Variants in SESN1 observed in about 807,000 individuals in gnomAD.
The protein encoded by SESN1 is sestrin 1.
In SESN1, 30 loss-of-function variants were observed where a neutral mutation model predicts 59.3. The observed-to-expected ratio is 0.51, with a 90% CI of 0.38 to 0.69. SESN1 has a LOEUF of 0.69. Ranked by LOEUF, SESN1 falls within the 30% of genes least tolerant of loss-of-function variation. The pLI is 0.00. For synonymous variants in SESN1, 197 were observed against 219.9 expected, an observed-to-expected ratio of 0.90 and a Z score of 0.92; for missense variants, 566 against 673.0, an observed-to-expected ratio of 0.84 and a Z score of 1.76.
chr6:109,018,867 A>C (rs970487344), intron 1 of SESN1, among the ~76,000 whole-genome samples: 1 of 152,180 alleles, frequency 6.6e-6, no homozygotes, highest in Non-Finnish European at 1.5e-5. Flanking sequence ...GAGCACGATA[A>C]AAAATGAAAG....
At chr6:109,068,851 G>T (rs1241024255) in intron 1 of SESN1, among the ~76,000 whole-genome samples, 1 of 151,734 alleles carries the variant, frequency 6.6e-6, no homozygotes, top group Non-Finnish European at 1.5e-5. Flanking sequence ...CTCCCAAGTA[G>T]CTGGGATTAC....
intron 1 of SESN1, among the ~76,000 whole-genome samples, chr6:109,077,332 G>A (rs1204257728): frequency 6.6e-6 from 1 of 152,090 alleles, no homozygotes; most frequent in Admixed American, 6.5e-5. Context: ...TAAGAACAGA[G>A]ACTTAGAAAT....
chr6:109,091,467 C>A (rs1411766757), intron 1 of SESN1, among the ~76,000 whole-genome samples: 2 of 152,176 alleles, frequency 1.3e-5, no homozygotes, highest in South Asian at 2.1e-4. Flanking sequence ...AAGCTATTCA[C>A]GCCACCCTCA....
At chr6:109,009,406 C>G in intron 1 of SESN1, 1 of 1,459,164 alleles carries the variant, frequency 6.9e-7, no homozygotes, top group Non-Finnish European at 9.0e-7. Flanking sequence ...CCCAGCAGCC[C>G]CGAGACCGCC....
chr6:109,011,336 C>G (rs1779855119), intron 1 of SESN1, among the ~76,000 whole-genome samples: 1 of 152,056 alleles, frequency 6.6e-6, no homozygotes, highest in Admixed American at 6.6e-5. Context: ...ATTCCTTTTT[C>G]CCCCAGATAG....
At chr6:109,007,246 G>A (rs1779751897) in intron 1 of SESN1, among the ~76,000 whole-genome samples, 1 of 152,162 alleles carries the variant, frequency 6.6e-6, no homozygotes, top group African/African-American at 2.4e-5. Flanking sequence ...TTGTATCACT[G>A]TATGAATCAA....
intron 1 of SESN1, among the ~76,000 whole-genome samples, chr6:109,029,732 A>AC (rs1347871958): frequency 1.3e-5 from 2 of 152,018 alleles, no homozygotes; most frequent in East Asian, 3.9e-4. Flanking sequence ...GAGTCTTGCC[A>AC]TGTCGCTCAA....
rs148570067 is a variant in SESN1 at position 109,039,367 on chromosome 6, C to T, written c.280-37024G>A. Among the ~76,000 whole-genome samples, 251 of 152,288 alleles carry T rather than the reference C, an allele frequency of 1.6e-3. 2 individuals are homozygous for T. The highest frequency in any genetic ancestry group is 2.5e-3 in the Non-Finnish European group (172 of 68,024). ...ATCTTACATTCTCAAACATGATTAACTGAGAATTTTCTGTAATTTCCCTTC... is the reference window on the plus strand; with the variant it reads ...ATCTTACATTCTCAAACATGATTAATTGAGAATTTTCTGTAATTTCCCTTC... On this transcript the variant is annotated intron_variant, in intron 1 of 9. Transcript: ENST00000436639.
chr6:109,026,208 A>AAGAAAC (rs1780089687), intron 1 of SESN1, among the ~76,000 whole-genome samples: 1 of 152,200 alleles, frequency 6.6e-6, no homozygotes, highest in Admixed American at 6.5e-5. Flanking sequence ...CATAAAGTGA[A>AAGAAAC]AGAAACACAT....
chr6:109,086,715 A>T (rs1490745627), intron 1 of SESN1, among the ~76,000 whole-genome samples: 1 of 152,214 alleles, frequency 6.6e-6, no homozygotes, highest in Non-Finnish European at 1.5e-5. Flanking sequence ...GCAAGTGTTT[A>T]ACATCTTTGT....
At chr6:109,046,134 C>G (rs1459720084) in intron 1 of SESN1, among the ~76,000 whole-genome samples, 1 of 152,154 alleles carries the variant, frequency 6.6e-6, no homozygotes. Flanking sequence ...CGGTCTCCCT[C>G]TCATGCGGAG....
At chr6:109,087,527 G>A (rs1341716015) in intron 1 of SESN1, among the ~76,000 whole-genome samples, 2 of 152,096 alleles carry the variant, frequency 1.3e-5, no homozygotes, top group African/African-American at 4.8e-5. Flanking sequence ...GAAAGGGACC[G>A]AGTTCACAAC....
At chr6:109,045,970 T>C (rs1263598737) in intron 1 of SESN1, among the ~76,000 whole-genome samples, 1 of 152,214 alleles carries the variant, frequency 6.6e-6, no homozygotes, top group Non-Finnish European at 1.5e-5. Context: ...AAAAAGCGTA[T>C]TCTGTCTTTT....
intron 1 of SESN1, among the ~76,000 whole-genome samples, chr6:109,006,711 T>G (rs1779740946): frequency 6.6e-6 from 1 of 152,198 alleles, no homozygotes; most frequent in Admixed American, 6.5e-5. Flanking sequence ...ATAAAAAGTT[T>G]CCATTTTCTG....
At chr6:109,022,645 A>C (rs908995684) in intron 1 of SESN1, among the ~76,000 whole-genome samples, 1 of 151,756 alleles carries the variant, frequency 6.6e-6, no homozygotes, top group Non-Finnish European at 1.5e-5. Context: ...CGATCTCCTG[A>C]CCTCGTGATC....
intron 1 of SESN1, among the ~76,000 whole-genome samples, chr6:109,034,965 C>G (rs1220003863): frequency 6.6e-6 from 1 of 152,202 alleles, no homozygotes; most frequent in Non-Finnish European, 1.5e-5. Flanking sequence ...GAAGCCTAAT[C>G]TCATCCTAAA....
chr6:109,093,853 T>C lies in SESN1; in HGVS notation c.221A>G (p.Lys74Arg). The C allele has an allele frequency of 6.2e-7, 1 of 1,614,226 alleles. No homozygotes were observed. The highest frequency in any genetic ancestry group is 1.1e-5 in the South Asian group (1 of 91,088). Residue 74 changes from lysine to arginine, a missense_variant, in exon 1 of 10, where the codon AAG (lysine) becomes AGG (arginine). Transcript: ENST00000436639. ...KLLAHLLMLS[K>R]RCPFKDVREK... Reference sequence around the variant, plus strand: ...TCTCACATCTTTGAAGGGACACCTCTTAGAAAGCATAAGCAGATGAGCAAG... The same window carrying C: ...TCTCACATCTTTGAAGGGACACCTCCTAGAAAGCATAAGCAGATGAGCAAG...
intron 9 of SESN1, 48 bp from the exon 10 acceptor site, chr6:108,987,678 C>T: frequency 9.6e-7 from 1 of 1,043,246 alleles, no homozygotes; most frequent in Non-Finnish European, 1.5e-6. Flanking sequence ...CAAGCATTCA[C>T]AATCAGTTTT....
At chr6:108,990,131 C>A (rs949377295) in intron 8 of SESN1, among the ~76,000 whole-genome samples, 4 of 152,192 alleles carry the variant, frequency 2.6e-5, no homozygotes, top group African/African-American at 9.6e-5. Flanking sequence ...AGGTGGTATA[C>A]AATGACTGCA....
Sources: allele counts gnomAD v4.1 joint callset (sites outside exome capture counted in the v4.1 genomes callset), GRCh38; gene constraint gnomAD v4.1.1; transcripts MANE v1.5; gene names NCBI Gene and HGNC (gene_info 2026-07-23, HGNC 2026-07-21).